The following GUCY1A2 variants were observed in gnomAD, a reference collection of about 807,000 sequenced individuals.
GUCY1A2 encodes guanylate cyclase 1 soluble subunit alpha 2.
In GUCY1A2, 27 loss-of-function variants were observed where a neutral mutation model predicts 63.5. The observed-to-expected ratio is 0.43, with a 90% CI of 0.31 to 0.59. The LOEUF is 0.59. Ranked by LOEUF, GUCY1A2 falls within the 20% of genes least tolerant of loss-of-function variation. GUCY1A2 has a pLI of 0.11. For synonymous variants in GUCY1A2, 364 were observed against 343.5 expected (o/e 1.06, Z -0.66); for missense variants, 768 against 913.3 (o/e 0.84, Z 2.05).
At chr11:106,856,464 A>T (rs987970387) in intron 4 of GUCY1A2, among the ~76,000 whole-genome samples, 3 of 152,070 alleles carry the variant, frequency 2.0e-5, no homozygotes, top group Non-Finnish European at 4.4e-5. Context: ...AGTTTTGGCA[A>T]TCTTATTTTC....
intron 4 of GUCY1A2, among the ~76,000 whole-genome samples, chr11:106,852,458 T>A (rs576002150): frequency 6.6e-6 from 1 of 152,148 alleles, no homozygotes; most frequent in Non-Finnish European, 1.5e-5. Context: ...TTGTCATATA[T>A]GACCCTTATT....
chr11:106,851,735 G>A (rs1405244056), intron 4 of GUCY1A2, among the ~76,000 whole-genome samples: 6 of 151,788 alleles, frequency 4.0e-5, no homozygotes, highest in Non-Finnish European at 8.8e-5. Context: ...ATACTATTTT[G>A]ATTACTCTTG....
chr11:106,754,072 T>C (rs1591262568), intron 6 of GUCY1A2, among the ~76,000 whole-genome samples: 1 of 151,938 alleles, frequency 6.6e-6, no homozygotes, highest in East Asian at 1.9e-4. Flanking sequence ...GTCCTTCACA[T>C]CCCTTGAAAG....
intron 4 of GUCY1A2, among the ~76,000 whole-genome samples, chr11:106,929,494 C>T (rs1049268674): frequency 4.6e-5 from 7 of 152,086 alleles, no homozygotes; most frequent in Non-Finnish European, 8.8e-5. Context: ...ACCATATCTG[C>T]TATGAAAAGA....
chr11:106,977,075 T>C (rs912153973), intron 3 of GUCY1A2, among the ~76,000 whole-genome samples: 6 of 152,096 alleles, frequency 3.9e-5, no homozygotes, highest in Non-Finnish European at 8.8e-5. Context: ...ATTCTAAAAA[T>C]AGGGAGCATA....
At chr11:106,932,748 A>T (rs1342984606) in intron 4 of GUCY1A2, among the ~76,000 whole-genome samples, 1 of 152,232 alleles carries the variant, frequency 6.6e-6, no homozygotes, top group Non-Finnish European at 1.5e-5. Flanking sequence ...TAACCAAAAT[A>T]GCTTGGTATT....
rs1055763526 is a variant in GUCY1A2, at chr11:106,974,533, A to C, written c.487+4086T>G. Among the ~76,000 whole-genome samples, 5 of 152,126 alleles carry C rather than the reference A, an allele frequency of 3.3e-5. No homozygotes were observed. The East Asian group carries it at 9.6e-4, about 29-fold the overall frequency. Reference sequence around the variant, plus strand: ...AATCATTACTTATAAAAAAACAGAGAGTTCCATACCAGCTAAAGATTGTGG... The same window carrying C: ...AATCATTACTTATAAAAAAACAGAGCGTTCCATACCAGCTAAAGATTGTGG... On this transcript the variant is annotated intron_variant, in intron 3 of 7. Transcript: ENST00000526355.
chr11:106,792,477 T>A (rs1020727588), intron 5 of GUCY1A2, among the ~76,000 whole-genome samples: 5 of 151,154 alleles, frequency 3.3e-5, no homozygotes, highest in Admixed American at 6.6e-5. Context: ...AATCAATAAA[T>A]GTGATTCATC....
intron 4 of GUCY1A2, among the ~76,000 whole-genome samples, chr11:106,861,239 T>C (rs1262900581): frequency 6.6e-6 from 1 of 152,040 alleles, no homozygotes; most frequent in Non-Finnish European, 1.5e-5. Context: ...TCTAGGAGCC[T>C]ATCTTGAGAT....
chr11:106,990,607 AC>A (rs1861458850), intron 1 of GUCY1A2, among the ~76,000 whole-genome samples: 2 of 152,146 alleles, frequency 1.3e-5, no homozygotes, highest in Non-Finnish European at 1.5e-5. Flanking sequence ...GTGTGCGCGC[AC>A]GCGCAGCGTG....
At chr11:106,834,297 G>C (rs1051449629) in intron 4 of GUCY1A2, among the ~76,000 whole-genome samples, 2 of 151,930 alleles carry the variant, frequency 1.3e-5, no homozygotes, top group Admixed American at 1.3e-4. Context: ...ATATAAATGA[G>C]ATCATGCAGT....
intron 4 of GUCY1A2, among the ~76,000 whole-genome samples, chr11:106,887,027 T>G (rs553375267): frequency 1.3e-5 from 2 of 152,216 alleles, no homozygotes; most frequent in South Asian, 4.2e-4. Context: ...TATATCTACC[T>G]TGCTGATGGC....
intron 5 of GUCY1A2, among the ~76,000 whole-genome samples, chr11:106,786,216 TACAAAC>T (rs1231924863): frequency 6.6e-6 from 1 of 152,196 alleles, no homozygotes; most frequent in Admixed American, 6.5e-5. Flanking sequence ...CTGACAAGGC[TACAAAC>T]AAAAACAAAA....
chr11:107,017,116 A>G (rs1197942303), intron 1 of GUCY1A2, among the ~76,000 whole-genome samples: 1 of 152,208 alleles, frequency 6.6e-6, no homozygotes. Context: ...AGAAAGAAAA[A>G]GAAAAAAAGC....
chr11:106,859,592 A>T (rs191238294), intron 4 of GUCY1A2, among the ~76,000 whole-genome samples: 16 of 152,140 alleles, frequency 1.1e-4, no homozygotes, highest in Non-Finnish European at 1.3e-4. Flanking sequence ...GTGCATTTTT[A>T]AAAGTGAAAT....
chr11:106,906,908 G>A (rs1438824490), intron 4 of GUCY1A2, among the ~76,000 whole-genome samples: 2 of 152,068 alleles, frequency 1.3e-5, no homozygotes, highest in South Asian at 2.1e-4. Flanking sequence ...ACACAGGGAG[G>A]GGAAATTCAC....
chr11:106,841,558 G>A (rs2220372), intron 4 of GUCY1A2, among the ~76,000 whole-genome samples: 54,919 of 151,642 alleles, frequency 0.36, 10,210 homozygotes, highest in East Asian at 0.46. Flanking sequence ...CATATTTGAT[G>A]TTTTTGCCCT....
At chr11:106,805,304 G>C (rs1858667908) in intron 5 of GUCY1A2, among the ~76,000 whole-genome samples, 1 of 150,790 alleles carries the variant, frequency 6.6e-6, no homozygotes, top group Non-Finnish European at 1.5e-5. Flanking sequence ...GGAATGCAGT[G>C]GCGTGATCTC....
At chr11:106,797,638 G>A (rs1005906946) in intron 5 of GUCY1A2, among the ~76,000 whole-genome samples, 6 of 152,104 alleles carry the variant, frequency 3.9e-5, no homozygotes, top group Admixed American at 2.6e-4. Flanking sequence ...CAACTACATG[G>A]AAACTGAACA....
Sources: allele counts gnomAD v4.1 joint callset (sites outside exome capture counted in the v4.1 genomes callset), GRCh38; gene constraint gnomAD v4.1.1; transcripts MANE v1.5; gene names NCBI Gene and HGNC (gene_info 2026-07-23, HGNC 2026-07-21).